The following CNTN3 variants were observed in gnomAD, a reference collection of about 807,000 sequenced individuals.
CNTN3 encodes the protein contactin 3.
Under a neutral mutation model 119.1 loss-of-function variants are expected in CNTN3, and 60 were observed. The ratio of observed to expected loss-of-function variants is 0.50; its 90% CI spans 0.41 to 0.62. The LOEUF (loss-of-function observed/expected upper bound fraction) is 0.62, where lower values mean the gene tolerates loss of function less well. CNTN3 is among the 20% of genes least tolerant of loss of function. The pLI is 0.00. For missense variants in CNTN3, 1,101 were observed against 1,242.4 expected (o/e 0.89, Z 1.71); for synonymous variants, 450 against 438.7 (o/e 1.03, Z -0.32).
intron 20 of CNTN3, among the ~76,000 whole-genome samples, chr3:74,267,756 G>A (rs949649043): frequency 1.3e-5 from 2 of 151,302 alleles, no homozygotes; most frequent in South Asian, 2.1e-4. Context: ...ACACGTCGAT[G>A]GGGGGGATAA....
intron 4 of CNTN3, among the ~76,000 whole-genome samples, chr3:74,454,421 G>C (rs187051421): frequency 2.7e-5 from 4 of 150,602 alleles, no homozygotes; most frequent in Non-Finnish European, 5.9e-5. Context: ...ACGTGAGATG[G>C]GTTTCCTGAA....
In CNTN3 at chr3:74,318,653, G is replaced by A. The variant is rs548471243; in HGVS notation, c.1669-15846C>T. 2.6e-3 allele frequency among the ~76,000 whole-genome samples: 400 copies of A among 152,202 alleles called. 4 individuals are homozygous for A. The highest frequency in any genetic ancestry group is 3.9e-3 in the Non-Finnish European group (262 of 68,002). On this transcript the variant is annotated intron_variant, in intron 13 of 22. Coordinates refer to ENST00000263665, the MANE Select transcript of CNTN3 (RefSeq NM_020872.3). ...TCAGCAGCGGTGGCTGCAGAACAGC[G>A]GTGGCTGTAGAACAGTGGATCTTGG... is the stretch of plus-strand genomic sequence containing the variant.
At chr3:74,379,796 C>T (rs945974476) in intron 5 of CNTN3, among the ~76,000 whole-genome samples, 1 of 152,136 alleles carries the variant, frequency 6.6e-6, no homozygotes, top group African/African-American at 2.4e-5. Context: ...CTTGGGGGGA[C>T]TGAAGAGGAC....
intron 1 of CNTN3, among the ~76,000 whole-genome samples, chr3:74,555,804 T>C (rs932233224): frequency 6.6e-6 from 1 of 152,180 alleles, no homozygotes; most frequent in African/African-American, 2.4e-5. Flanking sequence ...CTTCTCTCTT[T>C]TCTTCTTTAT....
intron 1 of CNTN3, among the ~76,000 whole-genome samples, chr3:74,602,255 C>T (rs1030110647): frequency 7.4e-6 from 1 of 135,328 alleles, no homozygotes; most frequent in Non-Finnish European, 1.5e-5. Context: ...ATGATCGCAC[C>T]ACTATACTCC....
At chr3:74,414,877 C>CTT (rs71129747) in intron 5 of CNTN3, among the ~76,000 whole-genome samples, 56,411 of 116,716 alleles carry the variant, frequency 0.48, 14,564 homozygotes, top group East Asian at 0.7. Context: ...TTCCTATAGT[C>CTT]TTTTTTTTTT....
At chr3:74,544,523 C>T (rs957690622) in intron 1 of CNTN3, among the ~76,000 whole-genome samples, 1 of 152,066 alleles carries the variant, frequency 6.6e-6, no homozygotes, top group Non-Finnish European at 1.5e-5. Flanking sequence ...CTTGGACTAA[C>T]TCAATGAAAA....
At chr3:74,547,443 T>C (rs1379300605) in intron 1 of CNTN3, among the ~76,000 whole-genome samples, 1 of 152,208 alleles carries the variant, frequency 6.6e-6, no homozygotes, top group Non-Finnish European at 1.5e-5. Flanking sequence ...ATATGTAATT[T>C]ATAATTTTTA....
chr3:74,359,151 A>G (rs1445586908), intron 11 of CNTN3, among the ~76,000 whole-genome samples: 2 of 152,102 alleles, frequency 1.3e-5, no homozygotes, highest in Non-Finnish European at 2.9e-5. Context: ...CAGGGCCTGC[A>G]TCCCTGCTGA....
chr3:74,415,855 C>A lies in CNTN3; in HGVS notation c.454+8990G>T, dbSNP rs530349937. 1.9e-4 allele frequency among the ~76,000 whole-genome samples: 29 copies of A among 152,300 alleles called. 1 individual carries two copies. The South Asian group carries it at 6.0e-3, about 32-fold the overall frequency. On this transcript the variant is annotated intron_variant, in intron 5 of 22. Coordinates refer to ENST00000263665, the MANE Select transcript of CNTN3 (RefSeq NM_020872.3). ...ATAGAAAGGCTCTGTTCCAAACTCTCAAATTCAGACTTGTAGGCTTACAGG... is the reference window on the plus strand; with the variant it reads ...ATAGAAAGGCTCTGTTCCAAACTCTAAAATTCAGACTTGTAGGCTTACAGG...
In CNTN3 at chr3:74,267,308, T is replaced by C. The variant is rs769802951; in HGVS notation, c.2775A>G (p.Gln925=). 1.2e-6 allele frequency: 2 copies of C among 1,613,330 alleles called. No individual in the cohort carries two copies. Among genetic ancestry groups the C allele is most frequent in the Admixed American group, 3.3e-5 (2 of 59,974 alleles). Reference sequence around the variant, plus strand: ...CTGACTCATTCTCCATGGCTTTAACTTGCTCCCAATTAAGTAACACTTTAG... The same window carrying C: ...CTGACTCATTCTCCATGGCTTTAACCTGCTCCCAATTAAGTAACACTTTAG... ...TDTKVLLNWE[Q]VKAMENESEV... The change falls in exon 21 of 23, where the codon CAA becomes CAG. Residue 925 remains glutamine (Q), a synonymous_variant. Transcript: ENST00000263665.
At chr3:74,561,874 C>T (rs1372993728) in intron 1 of CNTN3, among the ~76,000 whole-genome samples, 1 of 152,164 alleles carries the variant, frequency 6.6e-6, no homozygotes, top group African/African-American at 2.4e-5. Flanking sequence ...AATACCTCTT[C>T]ATGCCAAAAC....
intron 1 of CNTN3, among the ~76,000 whole-genome samples, chr3:74,537,566 T>C (rs1445571448): frequency 6.6e-6 from 1 of 152,198 alleles, no homozygotes; most frequent in Non-Finnish European, 1.5e-5. Context: ...CCTCGGTTGT[T>C]GTTTAACCAT....
chr3:74,569,055 C>T (rs1442247061), intron 1 of CNTN3, among the ~76,000 whole-genome samples: 3 of 152,098 alleles, frequency 2.0e-5, no homozygotes, highest in Non-Finnish European at 2.9e-5. Context: ...GCTTTAAGCC[C>T]GGAGCCATAT....
chr3:74,479,796 G>A (rs541112594), intron 4 of CNTN3, among the ~76,000 whole-genome samples: 1 of 152,108 alleles, frequency 6.6e-6, no homozygotes, highest in African/African-American at 2.4e-5. Flanking sequence ...TCCAACTGGA[G>A]CACTCTGATG....
At chr3:74,553,488 C>G (rs1336887510) in intron 1 of CNTN3, among the ~76,000 whole-genome samples, 1 of 152,150 alleles carries the variant, frequency 6.6e-6, no homozygotes, top group African/African-American at 2.4e-5. Flanking sequence ...ATTTCTAGTT[C>G]TAGATCCTTG....
chr3:74,535,531 C>A (rs9812449), intron 1 of CNTN3, among the ~76,000 whole-genome samples: 150,660 of 152,172 alleles, frequency 0.99, 74,591 homozygotes, highest in Middle Eastern at 1. Flanking sequence ...CTGCAGATAC[C>A]CCTGAGTCTG....
At chr3:74,475,241 G>A (rs949811067) in intron 4 of CNTN3, among the ~76,000 whole-genome samples, 6 of 152,262 alleles carry the variant, frequency 3.9e-5, no homozygotes, top group African/African-American at 1.2e-4. Context: ...TCAAGAAAAC[G>A]TAGAATTCTA....
At chr3:74,440,325 C>T (rs1160358042) in intron 4 of CNTN3, among the ~76,000 whole-genome samples, 1 of 151,170 alleles carries the variant, frequency 6.6e-6, no homozygotes, top group Non-Finnish European at 1.5e-5. Flanking sequence ...AGAGATCTCA[C>T]TCTCTTATAC....
Sources: allele counts gnomAD v4.1 joint callset (sites outside exome capture counted in the v4.1 genomes callset), GRCh38; gene constraint gnomAD v4.1.1; transcripts MANE v1.5; gene names NCBI Gene and HGNC (gene_info 2026-07-23, HGNC 2026-07-21).